FRMD4A: variants seen among roughly 807,000 people sequenced by gnomAD.
The protein encoded by FRMD4A is FERM domain containing 4A.
Under a neutral mutation model 129.1 loss-of-function variants are expected in FRMD4A, and 29 were observed. The observed-to-expected ratio is 0.22, with a 90% CI of 0.17 to 0.31. The LOEUF (loss-of-function observed/expected upper bound fraction) is 0.31. FRMD4A is among the 10% of genes least tolerant of loss of function. The pLI is 1.00. For missense variants in FRMD4A, 1,272 were observed against 1,375.8 expected (o/e 0.92, Z 1.19); for synonymous variants, 634 against 571.6 (o/e 1.11, Z -1.56).
At chr10:14,216,011 G>C (rs914254850) in intron 2 of FRMD4A, among the ~76,000 whole-genome samples, 2 of 152,090 alleles carry the variant, frequency 1.3e-5, no homozygotes, top group Non-Finnish European at 2.9e-5. Flanking sequence ...AGCTGAGATT[G>C]CAATCTCCAT....
chr10:13,702,931 A>T (rs1159987049), intron 13 of FRMD4A, among the ~76,000 whole-genome samples: 2 of 139,698 alleles, frequency 1.4e-5, no homozygotes, highest in Non-Finnish European at 3.1e-5. Flanking sequence ...AAAAAAAAAA[A>T]GCCAGAGCGT....
At chr10:13,929,432 C>T (rs1332866445) in intron 2 of FRMD4A, among the ~76,000 whole-genome samples, 7 of 152,274 alleles carry the variant, frequency 4.6e-5, no homozygotes, top group East Asian at 1.9e-4. Context: ...CCTGCTTACC[C>T]GAGTGCTGCA....
intron 9 of FRMD4A, among the ~76,000 whole-genome samples, chr10:13,746,218 T>C (rs986781247): frequency 6.6e-6 from 1 of 151,866 alleles, no homozygotes; most frequent in African/African-American, 2.4e-5. Flanking sequence ...TGTTTTTTTG[T>C]TTGTTTGTTT....
chr10:13,890,966 C>T (rs2131162321), intron 2 of FRMD4A: 1 of 425,798 alleles, frequency 2.3e-6, no homozygotes, highest in Non-Finnish European at 3.1e-6. Context: ...TCGTTACGCA[C>T]AGGCAGCCCA....
intron 2 of FRMD4A, among the ~76,000 whole-genome samples, chr10:14,175,000 G>C (rs1335750777): frequency 2.0e-5 from 3 of 151,678 alleles, no homozygotes; most frequent in Non-Finnish European, 4.4e-5. Flanking sequence ...TGGTCACTTG[G>C]AAAAAAATAC....
intron 9 of FRMD4A, among the ~76,000 whole-genome samples, chr10:13,743,329 T>A (rs974904426): frequency 6.6e-6 from 1 of 152,132 alleles, no homozygotes; most frequent in African/African-American, 2.4e-5. Flanking sequence ...TCCACTTCCT[T>A]CCATCCCACT....
intron 2 of FRMD4A, among the ~76,000 whole-genome samples, chr10:13,956,683 T>C (rs2095411988): frequency 6.6e-6 from 1 of 152,248 alleles, no homozygotes; most frequent in African/African-American, 2.4e-5. Flanking sequence ...ATTGTGGATG[T>C]ATGGCTGTGT....
At chr10:13,653,899 A>C (rs1014298797) in intron 23 of FRMD4A, 1 of 171,576 alleles carries the variant, frequency 5.8e-6, no homozygotes, top group Non-Finnish European at 1.2e-5. Context: ...TGCAGCTTCC[A>C]CTGAAGGCTT....
At chr10:13,862,993 G>A (rs2094315210) in intron 2 of FRMD4A, among the ~76,000 whole-genome samples, 1 of 149,914 alleles carries the variant, frequency 6.7e-6, no homozygotes. Context: ...CACTACGGGA[G>A]CCCTGGCATC....
intron 2 of FRMD4A, among the ~76,000 whole-genome samples, chr10:13,924,300 C>T (rs1050134989): frequency 2.0e-5 from 3 of 152,132 alleles, no homozygotes; most frequent in Non-Finnish European, 4.4e-5. Flanking sequence ...AATGACTTCT[C>T]ATCTAATTAA....
At chr10:13,885,241 A>G (rs2094605556) in intron 2 of FRMD4A, among the ~76,000 whole-genome samples, 1 of 152,134 alleles carries the variant, frequency 6.6e-6, no homozygotes, top group Non-Finnish European at 1.5e-5. Flanking sequence ...AGTCTCCCAT[A>G]CTTTTTGAGA....
intron 2 of FRMD4A, among the ~76,000 whole-genome samples, chr10:14,127,980 T>TCTCTCTCTCTCTC: frequency 5.2e-5 from 1 of 19,354 alleles, no homozygotes; most frequent in Non-Finnish European, 1.0e-4. Context: ...CTTTCTTTCC[T>TCTCTCTCTCTCTC]TCTCTCTCTC....
Position 14,123,629 on chromosome 10 carries a change from C to A in FRMD4A, c.45+206429G>T, listed in dbSNP as rs1589025101. ...CCTTTCTAAGTCTCTATACACAAAG[C>A]CCTTCTTCAGTGGAAAAGTCTTGAC... On this transcript the variant is annotated intron_variant, in intron 2 of 24. Coordinates refer to ENST00000357447, the MANE Select transcript of FRMD4A (RefSeq NM_018027.5). 2.6e-5 allele frequency among the ~76,000 whole-genome samples: 4 copies of A among 152,166 alleles called. No individual in the cohort carries two copies. In the South Asian group the frequency reaches 8.3e-4, roughly 32 times the overall value.
chr10:14,258,926 T>C (rs1339211126), intron 2 of FRMD4A, among the ~76,000 whole-genome samples: 1 of 152,204 alleles, frequency 6.6e-6, no homozygotes, highest in Non-Finnish European at 1.5e-5. Context: ...TGCATGAATC[T>C]ATTCATAAAA....
At chr10:14,326,714 C>A in intron 2 of FRMD4A, 1 of 397,262 alleles carries the variant, frequency 2.5e-6, no homozygotes, top group Non-Finnish European at 4.4e-6. Context: ...TAATCCTCGG[C>A]TCTAGCATGT....
At chr10:14,086,782 C>T (rs918743747) in intron 2 of FRMD4A, among the ~76,000 whole-genome samples, 1 of 152,178 alleles carries the variant, frequency 6.6e-6, no homozygotes, top group African/African-American at 2.4e-5. Context: ...ACAGACACCA[C>T]TGAGCGGACT....
At chr10:14,227,227 TC>T (rs1843470610) in intron 2 of FRMD4A, among the ~76,000 whole-genome samples, 1 of 139,830 alleles carries the variant, frequency 7.2e-6, no homozygotes, top group Non-Finnish European at 1.5e-5. Context: ...TTCCTCCTCC[TC>T]CTTCTCTTCT....
chr10:14,170,030 T>G (rs1472835107), intron 2 of FRMD4A, among the ~76,000 whole-genome samples: 2 of 152,150 alleles, frequency 1.3e-5, no homozygotes, highest in Non-Finnish European at 2.9e-5. Context: ...CTATTCTCCA[T>G]GGAATCCTGG....
intron 8 of FRMD4A, among the ~76,000 whole-genome samples, chr10:13,754,549 C>T (rs1425433975): frequency 3.4e-5 from 5 of 146,076 alleles, no homozygotes; most frequent in South Asian, 2.2e-4. Flanking sequence ...CATGGGAAAA[C>T]GCCACACACA....
Sources: gnomAD v4.1 joint callset for allele counts (sites outside exome capture counted in the v4.1 genomes callset) on GRCh38, gnomAD v4.1.1 for gene constraint, MANE v1.5 for transcripts, NCBI Gene and HGNC (gene_info 2026-07-23, HGNC 2026-07-21) for gene names.